The following NEDD4 variants were observed in gnomAD, a reference collection of about 807,000 sequenced individuals.
NEDD4 encodes the protein E3 ubiquitin-protein ligase NEDD4.
In NEDD4, 99 loss-of-function variants were observed where a neutral mutation model predicts 144.9. That is an observed-to-expected ratio of 0.68 (90% confidence interval 0.58 to 0.81). The LOEUF is 0.81. Ranked by LOEUF, NEDD4 falls within the 30% of genes least tolerant of loss-of-function variation. NEDD4 has a pLI of 0.00. For synonymous variants in NEDD4, 318 were observed against 350.6 expected, an observed-to-expected ratio of 0.91 and a Z score of 1.04; for missense variants, 985 against 1,065.9, an observed-to-expected ratio of 0.92 and a Z score of 1.06.
chr15:55,974,598 T>C (rs1053753579), intron 1 of NEDD4, among the ~76,000 whole-genome samples: 2 of 152,030 alleles, frequency 1.3e-5, no homozygotes, highest in African/African-American at 4.8e-5. Context: ...ATATCAGGGA[T>C]GAAAGGATGG....
chr15:55,906,640 G>A (rs79676491), intron 5 of NEDD4, among the ~76,000 whole-genome samples: 1 of 151,890 alleles, frequency 6.6e-6, no homozygotes, highest in Non-Finnish European at 1.5e-5. Context: ...TGTGGGGTGG[G>A]GGGCTGGGGG....
chr15:55,847,723 C>A (rs991080221), intron 17 of NEDD4, among the ~76,000 whole-genome samples: 1 of 142,834 alleles, frequency 7.0e-6, no homozygotes, highest in African/African-American at 2.6e-5. Context: ...GTTGTCCAGG[C>A]TGGAGTGTGG....
intron 4 of NEDD4, among the ~76,000 whole-genome samples, chr15:55,929,866 A>T (rs1279897016): frequency 6.6e-6 from 1 of 152,152 alleles, no homozygotes; most frequent in African/African-American, 2.4e-5. Flanking sequence ...AATGTCTTGC[A>T]TCCATAAAAC....
At chr15:55,833,629 C>A (rs1175725383) in intron 26 of NEDD4, among the ~76,000 whole-genome samples, 1 of 152,122 alleles carries the variant, frequency 6.6e-6, no homozygotes, top group African/African-American at 2.4e-5. Context: ...CCATTGCACT[C>A]CAGCCTGGGA....
At chr15:55,936,318 A>T (rs2036888266) in intron 4 of NEDD4, among the ~76,000 whole-genome samples, 1 of 152,146 alleles carries the variant, frequency 6.6e-6, no homozygotes, top group African/African-American at 2.4e-5. Context: ...CCATCTCATT[A>T]ACAATCATAG....
At chr15:55,877,528 C>G (rs1433657938) in intron 5 of NEDD4, among the ~76,000 whole-genome samples, 4 of 152,022 alleles carry the variant, frequency 2.6e-5, no homozygotes, top group Non-Finnish European at 5.9e-5. Context: ...CAATATTTTC[C>G]CCTTTGTAAT....
chr15:55,912,754 T>C (rs1162349417), intron 5 of NEDD4, among the ~76,000 whole-genome samples: 1 of 152,186 alleles, frequency 6.6e-6, no homozygotes, highest in Non-Finnish European at 1.5e-5. Flanking sequence ...ATATTACACA[T>C]ACTGTTAAAA....
intron 2 of NEDD4, among the ~76,000 whole-genome samples, chr15:55,963,190 G>T (rs1463940068): frequency 6.7e-6 from 1 of 148,422 alleles, no homozygotes; most frequent in East Asian, 2.1e-4. Flanking sequence ...GGAGTGCAGT[G>T]GCAAAATCAT....
At chr15:55,857,169 T>C (rs958888004) in intron 11 of NEDD4, among the ~76,000 whole-genome samples, 7 of 152,244 alleles carry the variant, frequency 4.6e-5, no homozygotes, top group Non-Finnish European at 7.3e-5. Flanking sequence ...TATATGTGTA[T>C]GCATGCATGT....
intron 5 of NEDD4, chr15:55,916,254 G>C (rs772211814): frequency 6.2e-7 from 1 of 1,614,046 alleles, no homozygotes; most frequent in East Asian, 2.2e-5. Flanking sequence ...TGGTGGAAAA[G>C]TATAACTACT....
rs1443700633 is a variant in NEDD4, at chr15:55,981,862, G to C, written c.45+11649C>G. Reference sequence around the variant, plus strand: ...AGGTACAGAACATGGGGGTAGGAAAGAAAACTGCTGCAGTTAACGTGGTTA... The same window carrying C: ...AGGTACAGAACATGGGGGTAGGAAACAAAACTGCTGCAGTTAACGTGGTTA... On this transcript the variant is annotated intron_variant, in intron 1 of 28. Coordinates refer to ENST00000435532, the MANE Select transcript of NEDD4 (RefSeq NM_006154.4). Among the ~76,000 whole-genome samples, 10 of 152,316 alleles carry C rather than the reference G, an allele frequency of 6.6e-5. No individual in the cohort carries two copies. The East Asian group carries it at 1.9e-3, about 29-fold the overall frequency.
intron 18 of NEDD4, among the ~76,000 whole-genome samples, chr15:55,842,617 A>G (rs1262101645): frequency 6.6e-6 from 1 of 152,188 alleles, no homozygotes; most frequent in Non-Finnish European, 1.5e-5. Context: ...AGCTCTAGCA[A>G]TCCTCCCGCC....
At chr15:55,970,635 C>T (rs895430270) in intron 1 of NEDD4, among the ~76,000 whole-genome samples, 1 of 152,220 alleles carries the variant, frequency 6.6e-6, no homozygotes, top group African/African-American at 2.4e-5. Context: ...AGAGTCTCTG[C>T]CTGGTAATCC....
At chr15:55,863,959 G>T (rs1316030416) in intron 8 of NEDD4, among the ~76,000 whole-genome samples, 5 of 152,220 alleles carry the variant, frequency 3.3e-5, no homozygotes, top group African/African-American at 1.2e-4. Context: ...TTCTCCTCTG[G>T]ACCAAGGCAA....
At chr15:55,969,931 C>G (rs2037579244) in intron 1 of NEDD4, among the ~76,000 whole-genome samples, 1 of 151,920 alleles carries the variant, frequency 6.6e-6, no homozygotes, top group African/African-American at 2.4e-5. Flanking sequence ...AGCTCAGTCA[C>G]AGTAAAATAA....
chr15:55,845,861 C>T (rs1318221381), intron 18 of NEDD4, among the ~76,000 whole-genome samples: 1 of 150,654 alleles, frequency 6.6e-6, no homozygotes, highest in African/African-American at 2.4e-5. Context: ...TCTTGGCTCA[C>T]TGCAACCTCT....
chr15:55,966,773 C>T (rs1463758283), intron 1 of NEDD4, among the ~76,000 whole-genome samples: 2 of 152,160 alleles, frequency 1.3e-5, no homozygotes, highest in Non-Finnish European at 2.9e-5. Context: ...ACTTATTACA[C>T]TGAATAAGAA....
intron 12 of NEDD4, 137 bp downstream of exon 12, chr15:55,855,994 A>G: frequency 1.5e-6 from 1 of 685,574 alleles, no homozygotes; most frequent in South Asian, 1.7e-5. Flanking sequence ...CCTTCCCTGA[A>G]CATCACCACC....
chr15:55,918,863 G>A (rs1302305868), intron 5 of NEDD4, among the ~76,000 whole-genome samples: 1 of 152,060 alleles, frequency 6.6e-6, no homozygotes, highest in Non-Finnish European at 1.5e-5. Context: ...GAGGAGTCCT[G>A]TTTTACTCTG....
Sources: allele counts gnomAD v4.1 joint callset (sites outside exome capture counted in the v4.1 genomes callset), GRCh38; gene constraint gnomAD v4.1.1; transcripts MANE v1.5; gene names NCBI Gene and HGNC (gene_info 2026-07-23, HGNC 2026-07-21).